The following ANKZF1 variants were observed in gnomAD, a reference collection of about 807,000 sequenced individuals.
The protein encoded by ANKZF1 is ankyrin repeat and zinc finger peptidyl tRNA hydrolase 1, also known as tRNA endonuclease ANKZF1.
In ANKZF1, 84 loss-of-function variants were observed where a neutral mutation model predicts 86.0. That is an observed-to-expected ratio of 0.98 (90% CI 0.82 to 1.17). ANKZF1 has a LOEUF of 1.17. Ranked by LOEUF, ANKZF1 falls within the 50% of genes most tolerant of loss-of-function variation. The pLI, the probability that ANKZF1 is intolerant of heterozygous loss-of-function variation, is 0.00. For synonymous variants in ANKZF1, 331 were observed against 354.2 expected (o/e 0.93, Z 0.74); for missense variants, 893 against 918.4 (o/e 0.97, Z 0.36).
rs751470856 is a variant in ANKZF1, at chr2:219,233,737, G to A, written c.842G>A (p.Gly281Glu). 3 of 1,613,498 alleles carry A rather than the reference G, an allele frequency of 1.9e-6. No individual in the cohort carries two copies. Among genetic ancestry groups the A allele is most frequent in the Non-Finnish European group, 2.5e-6 (3 of 1,179,758 alleles). Reference protein sequence around the residue: ...LYKDVRDLLAGPSWAKALEEA... With the variant: ...LYKDVRDLLAEPSWAKALEEA... ...TAGGATGTTCGTGACCTGCTGGCAG[G>A]GCCAAGCTGGGCTAAGGCGCTGGAG... Residue 281 changes from glycine to glutamate, a missense_variant, in exon 8 of 14, where the codon GGG (glycine) becomes GAG (glutamate). Transcript: ENST00000323348.
chr2:219,233,962 TC>T lies in ANKZF1; in HGVS notation c.1048+22del, dbSNP rs549739144. ...GTCTATGGTGAGCCTTTGCTCCAGA[TC>T]CCAATTCCCTAGACCTTCCTGTTCT... On this transcript the variant is annotated intron_variant, in intron 8 of 13. Coordinates refer to ENST00000323348, the MANE Select transcript of ANKZF1 (RefSeq NM_018089.3). 189 of 1,551,840 alleles carry T rather than the reference TC, an allele frequency of 1.2e-4. No individual in the cohort carries two copies. In the African/African-American group the frequency reaches 2.2e-3, roughly 18 times the overall value.
intron 13 of ANKZF1, 109 bp downstream of exon 13, chr2:219,236,204 T>C (rs1019692683): frequency 5.0e-6 from 8 of 1,600,754 alleles, no homozygotes; most frequent in Non-Finnish European, 6.0e-6. Flanking sequence ...TGAGGGAATT[T>C]GGGATGTTCT....
chr2:219,233,592 C>CT lies in ANKZF1; in HGVS notation c.820-122dup, dbSNP rs562533536. On this transcript the variant is annotated intron_variant, in intron 7 of 13. Transcript: ENST00000323348. ...GGGATTCCCCAGGAGCCTTAGTCCTCTATTCTTTCTCCGTGTTATCCTCTA... is the reference window on the plus strand; with the variant it reads ...GGGATTCCCCAGGAGCCTTAGTCCTCTTATTCTTTCTCCGTGTTATCCTCTA... 869 of 1,401,488 alleles carry CT rather than the reference C, an allele frequency of 6.2e-4. 14 individuals carry two copies. The African/African-American group carries it at 0.011, about 17-fold the overall frequency. The allele number at this position is 1,401,488 out of a possible 1,614,324, so 86.8% of individuals were successfully genotyped here. A position where few individuals can be genotyped will look rare whatever the true frequency, so the allele number is the denominator to read the frequency against.
Position 219,232,539 on chromosome 2 carries a change from G to A in ANKZF1, c.414G>A (p.Glu138=). 6.2e-7 allele frequency: 1 copy of A among 1,614,222 alleles called. No individual in the cohort carries two copies. The highest frequency in any genetic ancestry group is 1.1e-5 in the South Asian group (1 of 91,090). Residue 138 remains glutamate (E), a synonymous_variant, in exon 5 of 14, where the codon GAG becomes GAA. Transcript: ENST00000323348. ...CAGAAGACTCAGACTCAGCCAGTGA[G>A]GAGGACTTGCAGACACTGGATCGGG... ...SGSEDSDSAS[E]EDLQTLDRER...
At position 219,233,870 on chromosome 2, in the gene ANKZF1, C is replaced by G. The variant is rs779443621; in HGVS notation, c.975C>G (p.Pro325=). 16 of 1,612,032 alleles carry G rather than the reference C, an allele frequency of 9.9e-6. No homozygotes were observed. Among genetic ancestry groups the G allele is most frequent in the Middle Eastern group, 1.6e-4 (1 of 6,070 alleles). ...GGGATCCCCGACTTTGGGATATCCC[C>G]CTCGCCACCCGCAGACCCACCTTCC... ...QRGDPRLWDI[P]LATRRPTFQE... Residue 325 remains proline, a synonymous_variant, in exon 8 of 14, where the codon CCC becomes CCG. Transcript: ENST00000323348.
chr2:219,233,534 C>A, intron 7 of ANKZF1, 101 bp downstream of exon 7: 1 of 1,445,770 alleles, frequency 6.9e-7, no homozygotes, highest in Non-Finnish European at 9.2e-7. Context: ...CATATCCTTC[C>A]AATTTTCATT....
Position 219,235,807 on chromosome 2 carries a change from C to A in ANKZF1, c.1903C>A (p.Gln635Lys). The A allele has an allele frequency of 6.2e-7, 1 of 1,614,214 alleles. No homozygotes were observed. The highest frequency in any genetic ancestry group is 8.5e-7 in the Non-Finnish European group (1 of 1,180,044). ...RRQREEQQQR[Q>K]QEQEEREREE... ...GCAACGGGAGGAACAGCAGCAGAGGCAGCAGGAGCAGGAGGAGCGTGAACG... is the reference window on the plus strand; with the variant it reads ...GCAACGGGAGGAACAGCAGCAGAGGAAGCAGGAGCAGGAGGAGCGTGAACG... The change falls in exon 12 of 14, where the codon CAG (glutamine) becomes AAG (lysine). Residue 635 changes from glutamine to lysine, a missense_variant. By Grantham distance (53) the Gln-to-Lys change is moderately conservative. Coordinates refer to ENST00000323348, the MANE Select transcript of ANKZF1 (RefSeq NM_018089.3).
chr2:219,235,121 T>C lies in ANKZF1; in HGVS notation c.1500T>C (p.Ala500=). The C allele has an allele frequency of 1.2e-6, 2 of 1,614,244 alleles. No individual in the cohort carries two copies. Among genetic ancestry groups the C allele is most frequent in the Non-Finnish European group, 1.7e-6 (2 of 1,180,042 alleles). ...GQPELWNALL[A]ACRAGDVGVL... is the part of the protein sequence containing the mutation. ...CAGAGCTCTGGAATGCACTGCTTGC[T>C]GCTTGCCGAGCTGGAGATGTTGGAG... Residue 500 remains alanine (A), a synonymous_variant, in exon 10 of 14, where the codon GCT becomes GCC. Coordinates refer to ENST00000323348, the MANE Select transcript of ANKZF1 (RefSeq NM_018089.3).
In ANKZF1 at chr2:219,235,767, G is replaced by A. The variant is rs1349596772; in HGVS notation, c.1863G>A (p.Gln621=). 1 of 1,614,094 alleles carries A rather than the reference G, an allele frequency of 6.2e-7. No individual in the cohort carries two copies. The highest frequency in any genetic ancestry group is 1.3e-5 in the African/African-American group (1 of 74,948). The change falls in exon 12 of 14, where the codon CAG becomes CAA. Residue 621 remains glutamine, a synonymous_variant. Coordinates refer to ENST00000323348, the MANE Select transcript of ANKZF1 (RefSeq NM_018089.3). ...EARQATRKRE[Q]KAARRQREEQ... Reference sequence around the variant, plus strand: ...GGCAGGCTACACGGAAAAGGGAGCAGAAGGCAGCCCGGCGGCAACGGGAGG... The same window carrying A: ...GGCAGGCTACACGGAAAAGGGAGCAAAAGGCAGCCCGGCGGCAACGGGAGG...
chr2:219,230,188 G>A (rs920910195), intron 1 of ANKZF1, 40 bp from the exon 2 acceptor site: 6 of 1,557,452 alleles, frequency 3.9e-6, no homozygotes, highest in African/African-American at 1.4e-5. Context: ...GTAGGATCTC[G>A]TTTGCAGGAG....
intron 5 of ANKZF1, 98 bp from the exon 6 acceptor site, chr2:219,232,981 G>T: frequency 8.6e-7 from 1 of 1,160,210 alleles, no homozygotes; most frequent in Non-Finnish European, 1.3e-6. Flanking sequence ...CCTCAGGGTG[G>T]TAATATTAAA....
At position 219,233,684 on chromosome 2, in the gene ANKZF1, G is replaced by A. The variant is rs767792991; in HGVS notation, c.820-31G>A. 12 of 1,566,310 alleles carry A rather than the reference G, an allele frequency of 7.7e-6. No homozygotes were observed. The South Asian group carries it at 1.3e-4, about 17-fold the overall frequency. On this transcript the variant is annotated intron_variant, in intron 7 of 13. Coordinates refer to ENST00000323348, the MANE Select transcript of ANKZF1 (RefSeq NM_018089.3). ...GGAGATTTATAAATAGCAAGTGAAG[G>A]TATGCAGGACTGAGTTACTCTCTTC...
intron 7 of ANKZF1, 72 bp downstream of exon 7, chr2:219,233,505 A>C: frequency 6.7e-7 from 1 of 1,490,182 alleles, no homozygotes; most frequent in Non-Finnish European, 8.9e-7. Context: ...CTCACTGTTA[A>C]GTAGGGAGGT....
Position 219,233,172 on chromosome 2 carries a change from G to T in ANKZF1, c.652G>T (p.Ala218Ser). 6.2e-7 allele frequency: 1 copy of T among 1,614,256 alleles called. No individual in the cohort carries two copies. The highest frequency in any genetic ancestry group is 8.5e-7 in the Non-Finnish European group (1 of 1,180,040). The change falls in exon 6 of 14, where the codon GCT (alanine) becomes TCT (serine). Residue 218 changes from alanine (A) to serine (S), a missense_variant. Physicochemically the swap from Ala to Ser is moderately conservative, Grantham distance 99 (BLOSUM62 1). Transcript: ENST00000323348. ...VVLMAAAGHF[A>S]GAIFQGREVV... is the part of the protein sequence containing the mutation. ...GCTCATGGCTGCAGCTGGGCACTTT[G>T]CTGGTGCTATATTTCAAGGGTGAGA...
intron 2 of ANKZF1, 130 bp from the exon 3 acceptor site, chr2:219,231,798 T>A (rs760394780): frequency 1.4e-6 from 1 of 712,066 alleles, no homozygotes; most frequent in South Asian, 1.6e-5. Context: ...AGAGTGTAAA[T>A]TCCTTGAAGG....
rs764259830 is a variant in ANKZF1 at position 219,233,932 on chromosome 2, T to C, written c.1037T>C (p.Leu346Ser). 9.2e-5 allele frequency: 145 copies of C among 1,575,950 alleles called. No individual in the cohort carries two copies. Among genetic ancestry groups the C allele is most frequent in the Non-Finnish European group, 1.2e-4 (144 of 1,162,340 alleles). ...LQRVLHKLTT[L>S]HVYEEDPREA... ...CGTGTGCTCCATAAGCTGACCACTTTGCATGTCTATGGTGAGCCTTTGCTC... is the reference window on the plus strand; with the variant it reads ...CGTGTGCTCCATAAGCTGACCACTTCGCATGTCTATGGTGAGCCTTTGCTC... The change falls in exon 8 of 14, where the codon TTG becomes TCG. Residue 346 changes from leucine to serine, a missense_variant. Physicochemically the swap from Leu to Ser is moderately radical, Grantham distance 145. Coordinates refer to ENST00000323348, the MANE Select transcript of ANKZF1 (RefSeq NM_018089.3).
rs1394300685 is a variant in ANKZF1 at position 219,233,282 on chromosome 2, A to G, written c.672-4A>G. ...CTCCAGTACTGAGTCTGTGCTGTCT[A>G]CAGAAGAGAAGTGGTGACACACAAA... On this transcript the variant is annotated splice_polypyrimidine_tract_variant and splice_region_variant and intron_variant, in intron 6 of 13. Coordinates refer to ENST00000323348, the MANE Select transcript of ANKZF1 (RefSeq NM_018089.3). The G allele has an allele frequency of 1.2e-6, 2 of 1,614,128 alleles. No homozygotes were observed. The highest frequency in any genetic ancestry group is 3.3e-5 in the Admixed American group (2 of 60,014).
Position 219,235,809 on chromosome 2 carries a change from GC to G in ANKZF1, c.1906del (p.Gln636ArgfsTer63), listed in dbSNP as rs1286163408. ...RQREEQQQRQ[Q>X]EQEEREREEQ... Reference sequence around the variant, plus strand: ...AACGGGAGGAACAGCAGCAGAGGCAGCAGGAGCAGGAGGAGCGTGAACGAGA... The same window carrying G: ...AACGGGAGGAACAGCAGCAGAGGCAGAGGAGCAGGAGGAGCGTGAACGAGA... On this transcript the variant is annotated frameshift_variant, in exon 12 of 14. Coordinates refer to ENST00000323348, the MANE Select transcript of ANKZF1 (RefSeq NM_018089.3). LOFTEE classifies it high-confidence loss of function. The G allele has an allele frequency of 1.2e-6, 2 of 1,607,864 alleles. No individual in the cohort carries two copies. The highest frequency in any genetic ancestry group is 3.3e-5 in the Admixed American group (2 of 59,968).
In ANKZF1 at chr2:219,235,221, G is replaced by T; in HGVS notation, c.1600G>T (p.Gly534Cys). 6.2e-7 allele frequency: 1 copy of T among 1,613,694 alleles called. No homozygotes were observed. The highest frequency in any genetic ancestry group is 8.5e-7 in the Non-Finnish European group (1 of 1,180,048). ...LSLLSAPLGS[G>C]GFTLLHAAAA... ...TCTGCTCAGTGCCCCCTTGGGCTCCGGTGGCTTTACTCTCCTGCATGCAGC... is the reference window on the plus strand; with the variant it reads ...TCTGCTCAGTGCCCCCTTGGGCTCCTGTGGCTTTACTCTCCTGCATGCAGC... Residue 534 changes from glycine to cysteine, a missense_variant, in exon 10 of 14, where the codon GGT becomes TGT. Coordinates refer to ENST00000323348, the MANE Select transcript of ANKZF1 (RefSeq NM_018089.3).
Sources: gnomAD v4.1 joint callset for allele counts on GRCh38, gnomAD v4.1.1 for gene constraint, MANE v1.5 for transcripts, NCBI Gene and HGNC (gene_info 2026-07-23, HGNC 2026-07-21) for gene names.